Variants in ROBO2 observed in about 807,000 individuals in gnomAD.
The protein encoded by ROBO2 is roundabout guidance receptor 2.
Under a neutral mutation model 160.8 loss-of-function variants are expected in ROBO2, and 53 were observed. That is an observed-to-expected ratio of 0.33 (90% confidence interval 0.26 to 0.41). The LOEUF is 0.41. ROBO2 is among the 10% of genes least tolerant of loss of function. ROBO2 has a pLI of 1.00. For synonymous variants in ROBO2, 664 were observed against 611.7 expected (o/e 1.09, Z -1.26); for missense variants, 1,577 against 1,722.4 (o/e 0.92, Z 1.49).
intron 2 of ROBO2, among the ~76,000 whole-genome samples, chr3:76,069,884 A>G (rs1408478798): frequency 6.6e-6 from 1 of 152,168 alleles, no homozygotes. Context: ...TGGTTCCCCA[A>G]ATTAATACTT....
intron 2 of ROBO2, among the ~76,000 whole-genome samples, chr3:77,419,805 A>G (rs1262758679): frequency 6.6e-6 from 1 of 152,148 alleles, no homozygotes; most frequent in Non-Finnish European, 1.5e-5. Context: ...CTTCTCAAAA[A>G]TGAATTTATT....
intron 2 of ROBO2, among the ~76,000 whole-genome samples, chr3:77,323,414 C>G (rs2065023387): frequency 6.6e-6 from 1 of 152,064 alleles, no homozygotes; most frequent in Non-Finnish European, 1.5e-5. Context: ...AGTTTATAAT[C>G]TAAGAAGCTC....
chr3:76,997,448 ACT>A lies in ROBO2; in HGVS notation c.110-100563_110-100562del, dbSNP rs2061083457. Among the ~76,000 whole-genome samples the A allele has an allele frequency of 2.0e-5, 3 of 152,254 alleles. No homozygotes were observed. In the South Asian group the frequency reaches 6.2e-4, roughly 32 times the overall value. On this transcript the variant is annotated intron_variant, in intron 2 of 26. Coordinates refer to the ROBO2 transcript ENST00000487694. ...ATGTTCTTTTACATTTTTATCAATG[ACT>A]CTGCTCACTAATTGACAGCATGATC... is the stretch of plus-strand genomic sequence containing the variant.
chr3:77,489,338 T>C (rs1391939214), intron 4 of ROBO2, among the ~76,000 whole-genome samples: 2 of 152,216 alleles, frequency 1.3e-5, no homozygotes, highest in African/African-American at 4.8e-5. Context: ...CATATGCTCC[T>C]GTGGTTATCC....
chr3:76,978,687 T>G (rs1009151096), intron 2 of ROBO2, among the ~76,000 whole-genome samples: 2 of 152,042 alleles, frequency 1.3e-5, no homozygotes, highest in African/African-American at 2.4e-5. Flanking sequence ...TAACAGATAC[T>G]TAACTCAGTT....
intron 2 of ROBO2, among the ~76,000 whole-genome samples, chr3:76,512,479 A>T (rs1451221975): frequency 6.6e-6 from 1 of 151,902 alleles, no homozygotes; most frequent in Non-Finnish European, 1.5e-5. Context: ...TGAACACATA[A>T]TTTTTTCACT....
intron 2 of ROBO2, among the ~76,000 whole-genome samples, chr3:76,943,925 T>C (rs888256325): frequency 2.0e-5 from 3 of 152,206 alleles, no homozygotes; most frequent in Non-Finnish European, 4.4e-5. Context: ...GTAATGTGAC[T>C]AATAAATTAT....
intron 2 of ROBO2, among the ~76,000 whole-genome samples, chr3:77,108,593 C>A (rs1035961864): frequency 5.9e-5 from 9 of 152,038 alleles, no homozygotes; most frequent in African/African-American, 2.2e-4. Context: ...GAGTCTGAGT[C>A]GCCTCAGGTG....
At chr3:76,413,240 G>C (rs1002385502) in intron 2 of ROBO2, among the ~76,000 whole-genome samples, 1 of 152,166 alleles carries the variant, frequency 6.6e-6, no homozygotes, top group Admixed American at 6.5e-5. Context: ...GTGATGTGAG[G>C]GTCTTCTGTG....
At chr3:77,580,992 C>T (rs549288649) in intron 16 of ROBO2, among the ~76,000 whole-genome samples, 74 of 152,134 alleles carry the variant, frequency 4.9e-4, no homozygotes, top group Non-Finnish European at 9.3e-4. Context: ...TACATTGTCA[C>T]CAACATTTGA....
intron 2 of ROBO2, among the ~76,000 whole-genome samples, chr3:75,988,178 T>C (rs1482671163): frequency 6.6e-6 from 1 of 152,114 alleles, no homozygotes; most frequent in East Asian, 1.9e-4. Flanking sequence ...TCTTTGTTGC[T>C]AGATTTTTTA....
At chr3:77,610,217 T>C (rs2094601617) in intron 21 of ROBO2, among the ~76,000 whole-genome samples, 1 of 152,030 alleles carries the variant, frequency 6.6e-6, no homozygotes, top group South Asian at 2.1e-4. Context: ...AAAAAAGAAA[T>C]CTTCAGAATT....
intron 2 of ROBO2, among the ~76,000 whole-genome samples, chr3:76,503,825 A>G (rs2080616265): frequency 6.6e-6 from 1 of 152,204 alleles, no homozygotes; most frequent in African/African-American, 2.4e-5. Context: ...TGTTGGTTAA[A>G]GTACGCAAAA....
In ROBO2 at chr3:77,062,753, G is replaced by A. The variant is rs571671144; in HGVS notation, c.61+21907G>A. Among the ~76,000 whole-genome samples, 36 of 152,302 alleles carry A rather than the reference G, an allele frequency of 2.4e-4. 1 individual carries two copies. The South Asian group carries it at 7.5e-3, about 32-fold the overall frequency. On this transcript the variant is annotated intron_variant, in intron 1 of 25. Coordinates refer to ENST00000461745, the Ensembl canonical transcript of ROBO2. ...GGTCAAGAGGGGGAACTTCTATAAA[G>A]TGTTTACAGAAGCAAGACACACAAA...
intron 2 of ROBO2, among the ~76,000 whole-genome samples, chr3:77,202,307 A>G (rs937911175): frequency 1.3e-5 from 2 of 152,156 alleles, no homozygotes; most frequent in East Asian, 1.9e-4. Flanking sequence ...CAACACTTCT[A>G]CCTCATGATA....
chr3:76,588,397 G>T (rs1027974268), intron 2 of ROBO2, among the ~76,000 whole-genome samples: 1 of 152,104 alleles, frequency 6.6e-6, no homozygotes, highest in African/African-American at 2.4e-5. Flanking sequence ...GAATTTTAAT[G>T]TTCACATTAG....
intron 2 of ROBO2, among the ~76,000 whole-genome samples, chr3:76,841,680 T>G (rs575923521): frequency 2.0e-5 from 3 of 152,216 alleles, no homozygotes; most frequent in Non-Finnish European, 4.4e-5. Context: ...CCATTGGTGT[T>G]TTGTTCATGC....
chr3:76,702,552 A>AGAGG (rs35295766), intron 2 of ROBO2, among the ~76,000 whole-genome samples: 1 of 25,246 alleles, frequency 4.0e-5, no homozygotes, highest in Non-Finnish European at 6.0e-5. Context: ...AGAAATAGAC[A>AGAGG]GAGAAAGAGA....
intron 2 of ROBO2, among the ~76,000 whole-genome samples, chr3:77,450,648 G>A (rs62251062): frequency 0.08 from 12,121 of 152,034 alleles, 560 homozygotes; most frequent in African/African-American, 0.11. Context: ...ATACTTATAC[G>A]TGAGATTTCT....
Sources: allele counts gnomAD v4.1 joint callset (sites outside exome capture counted in the v4.1 genomes callset), GRCh38; gene constraint gnomAD v4.1.1; transcripts MANE v1.5; gene names NCBI Gene and HGNC (gene_info 2026-07-23, HGNC 2026-07-21).